CDH2: variants seen among roughly 807,000 people sequenced by gnomAD.
The protein encoded by CDH2 is cadherin 2.
CDH2 carries 17 observed loss-of-function variants against 92.0 expected under a neutral mutation model. That is an observed-to-expected ratio of 0.18 (90% CI 0.13 to 0.28). The LOEUF (loss-of-function observed/expected upper bound fraction) is 0.28, where lower values mean the gene tolerates loss of function less well. Ranked by LOEUF, CDH2 falls within the 10% of genes least tolerant of loss-of-function variation. The pLI is 1.00. For synonymous variants in CDH2, 419 were observed against 415.9 expected (o/e 1.01, Z -0.09); for missense variants, 862 against 1,133.1 (o/e 0.76, Z 3.44).
At chr18:28,172,951 T>C (rs1294703456) in intron 1 of CDH2, among the ~76,000 whole-genome samples, 1 of 152,152 alleles carries the variant, frequency 6.6e-6, no homozygotes, top group East Asian at 1.9e-4. Flanking sequence ...GCTTTAAGTC[T>C]TGACATTTCC....
chr18:28,074,752 T>A (rs527814867), intron 2 of CDH2, among the ~76,000 whole-genome samples: 47 of 151,742 alleles, frequency 3.1e-4, no homozygotes, highest in Non-Finnish European at 5.9e-4. Flanking sequence ...TTTCTCCATC[T>A]GGTTTCGAGA....
At chr18:28,156,848 C>T (rs923363106) in intron 1 of CDH2, among the ~76,000 whole-genome samples, 1 of 151,880 alleles carries the variant, frequency 6.6e-6, no homozygotes, top group African/African-American at 2.4e-5. Flanking sequence ...AGCATGTCAC[C>T]TTCCCAGGAG....
intron 2 of CDH2, among the ~76,000 whole-genome samples, chr18:28,133,977 A>G (rs569198708): frequency 1.4e-4 from 21 of 152,164 alleles, no homozygotes; most frequent in East Asian, 3.9e-4. Flanking sequence ...TGGGCAACAT[A>G]GCAAGACCTC....
rs1280528864 is a variant in CDH2 at position 28,066,192 on chromosome 18, A to C, written c.173-52283T>G. Among the ~76,000 whole-genome samples, 3 of 152,332 alleles carry C rather than the reference A, an allele frequency of 2.0e-5. No individual in the cohort carries two copies. In the East Asian group the frequency reaches 5.8e-4, roughly 29 times the overall value. ...TGGACTGAACTAAACAATAATAAAC[A>C]ATATTTCAATTGCACACAGGAAGAA... is the stretch of plus-strand genomic sequence containing the variant. On this transcript the variant is annotated intron_variant, in intron 2 of 15. Transcript: ENST00000269141.
downstream of CDH2, among the ~76,000 whole-genome samples, chr18:27,946,211 A>G (rs1469807638): frequency 1.3e-5 from 2 of 152,160 alleles, no homozygotes; most frequent in Non-Finnish European, 2.9e-5. Context: ...TATCTGAAAA[A>G]CAAATTAATA....
intron 2 of CDH2, among the ~76,000 whole-genome samples, chr18:28,072,578 A>G (rs371303175): frequency 1.4e-4 from 20 of 143,956 alleles, no homozygotes; most frequent in African/African-American, 4.9e-4. Context: ...GCAAGTAACC[A>G]ATTAAGAGTT....
intron 2 of CDH2, among the ~76,000 whole-genome samples, chr18:28,130,929 GAA>G (rs2144293027): frequency 6.6e-6 from 1 of 152,232 alleles, no homozygotes; most frequent in South Asian, 2.1e-4. Flanking sequence ...TAAAAATTTA[GAA>G]TCAGACACCA....
chr18:28,163,922 G>T (rs1189288146), intron 1 of CDH2, among the ~76,000 whole-genome samples: 1 of 152,154 alleles, frequency 6.6e-6, no homozygotes, highest in Non-Finnish European at 1.5e-5. Context: ...AGTTAACTCT[G>T]GGTGGAGAGA....
At chr18:28,139,088 T>C (rs1432436327) in intron 2 of CDH2, among the ~76,000 whole-genome samples, 1 of 152,032 alleles carries the variant, frequency 6.6e-6, no homozygotes, top group Admixed American at 6.6e-5. Context: ...TGACATAAAA[T>C]CATCAAGACA....
chr18:28,078,052 T>A (rs995952807), intron 2 of CDH2, among the ~76,000 whole-genome samples: 1 of 152,170 alleles, frequency 6.6e-6, no homozygotes, highest in African/African-American at 2.4e-5. Context: ...ATAAACTTTG[T>A]ATCAAAAGAT....
intron 1 of CDH2, among the ~76,000 whole-genome samples, chr18:28,158,747 T>A (rs1201712788): frequency 6.6e-6 from 1 of 152,170 alleles, no homozygotes; most frequent in Non-Finnish European, 1.5e-5. Context: ...TAAAGTAAAG[T>A]TTTCCAGAGG....
chr18:28,013,831 T>C lies in CDH2; in HGVS notation c.251A>G (p.Asp84Gly), dbSNP rs373421991. ...SEPADFKVDEDGMVYAVRSFP... is the reference protein window; with the variant it reads ...SEPADFKVDEGGMVYAVRSFP... ...GCTTCTCACGGCATACACCATGCCA[T>C]CTTCATCCACCTTAAAATCTGCAGG... The change falls in exon 3 of 16, where the codon GAT (aspartate) becomes GGT (glycine). Residue 84 changes from aspartate to glycine, a missense_variant. By Grantham distance (94) the Asp-to-Gly change is moderately conservative. Coordinates refer to ENST00000269141, the MANE Select transcript of CDH2 (RefSeq NM_001792.5). The C allele has an allele frequency of 3.1e-6, 5 of 1,613,944 alleles. No individual in the cohort carries two copies. The highest frequency in any genetic ancestry group is 1.7e-5 in the Admixed American group (1 of 59,986).
At chr18:28,030,078 G>A (rs932946788) in intron 2 of CDH2, among the ~76,000 whole-genome samples, 8 of 151,970 alleles carry the variant, frequency 5.3e-5, no homozygotes, top group African/African-American at 1.9e-4. Flanking sequence ...ATAATGTCCT[G>A]ATAAATAGAT....
chr18:28,151,477 A>G (rs756228954), intron 1 of CDH2, among the ~76,000 whole-genome samples: 1 of 152,222 alleles, frequency 6.6e-6, no homozygotes, highest in South Asian at 2.1e-4. Flanking sequence ...ATGTCAACAG[A>G]GCCAAGGTTA....
chr18:28,086,725 T>G (rs2014936574), intron 2 of CDH2, among the ~76,000 whole-genome samples: 1 of 152,100 alleles, frequency 6.6e-6, no homozygotes, highest in African/African-American at 2.4e-5. Context: ...TTTCAGCCTA[T>G]GCTCTCATCT....
chr18:28,029,585 C>T (rs1264051320), intron 2 of CDH2, among the ~76,000 whole-genome samples: 1 of 152,052 alleles, frequency 6.6e-6, no homozygotes, highest in Non-Finnish European at 1.5e-5. Context: ...TCCTTATTCT[C>T]ATTAATGGGC....
At chr18:28,023,051 G>C (rs1289503198) in intron 2 of CDH2, among the ~76,000 whole-genome samples, 1 of 151,950 alleles carries the variant, frequency 6.6e-6, no homozygotes, top group Non-Finnish European at 1.5e-5. Flanking sequence ...TATCTTTTTA[G>C]ACAGCTTGTG....
At chr18:28,156,444 C>CATGTCACCTTCCCAGGTACAGA (rs2016213675) in intron 1 of CDH2, among the ~76,000 whole-genome samples, 2 of 137,064 alleles carry the variant, frequency 1.5e-5, no homozygotes, top group Admixed American at 7.0e-5. Context: ...CCAGGTATAG[C>CATGTCACCTTCCCAGGTACAGA]ATGTCACCTT....
At chr18:28,160,748 C>T (rs369790710) in intron 1 of CDH2, among the ~76,000 whole-genome samples, 37 of 152,190 alleles carry the variant, frequency 2.4e-4, no homozygotes, top group African/African-American at 6.5e-4. Context: ...CCAAGGGAGA[C>T]GAAGGGAAAG....
Sources: gnomAD v4.1 joint callset for allele counts (sites outside exome capture counted in the v4.1 genomes callset) on GRCh38, gnomAD v4.1.1 for gene constraint, MANE v1.5 for transcripts, NCBI Gene and HGNC (gene_info 2026-07-23, HGNC 2026-07-21) for gene names.